The following CD81 variants were observed in gnomAD, a reference collection of about 807,000 sequenced individuals.
The protein encoded by CD81 is CD81 antigen.
CD81 carries 10 observed loss-of-function variants against 30.1 expected under a neutral mutation model. The ratio of observed to expected loss-of-function variants is 0.33; its 90% CI spans 0.21 to 0.56. The LOEUF (loss-of-function observed/expected upper bound fraction) is 0.56, where lower values mean the gene tolerates loss of function less well. Among genes scored for constraint, CD81 ranks in the 20% least tolerant of loss-of-function variants. CD81 has a pLI of 0.89. For synonymous variants in CD81, 147 were observed against 126.4 expected (o/e 1.16, Z -1.10); for missense variants, 263 against 308.7 (o/e 0.85, Z 1.11).
rs189296709 is a variant in CD81, at chr11:2,390,046, A to C, written c.67-366A>C. The C allele has an allele frequency of 2.1e-5, 8 of 380,772 alleles. No homozygotes were observed. In the East Asian group the frequency reaches 5.1e-4, roughly 24 times the overall value. The allele number at this position is 380,772 out of a possible 1,614,324, so 23.6% of individuals were successfully genotyped here. On this transcript the variant is annotated intron_variant, in intron 1 of 7. Coordinates refer to ENST00000263645, the MANE Select transcript of CD81 (RefSeq NM_004356.4). ...TCACCTTGAACTTCAGATAAACACC[A>C]GATTATTTTTTTGTATGTCCCGTGC...
chr11:2,386,943 A>G lies in CD81; in HGVS notation c.67-3469A>G, dbSNP rs377480677. On this transcript the variant is annotated intron_variant, in intron 1 of 7. Transcript: ENST00000263645. Reference sequence around the variant, plus strand: ...GGGCTTGTCTAGGGGCAGCCTCCCCATACGGCCCTGGAGTCTGAACAGAAG... The same window carrying G: ...GGGCTTGTCTAGGGGCAGCCTCCCCGTACGGCCCTGGAGTCTGAACAGAAG... Among the ~76,000 whole-genome samples the G allele has an allele frequency of 4.2e-3, 638 of 152,314 alleles. 3 individuals carry two copies. The highest frequency in any genetic ancestry group is 0.013 in the South Asian group (63 of 4,828).
chr11:2,376,649 C>T (rs1849597347), upstream of CD81, among the ~76,000 whole-genome samples: 1 of 152,184 alleles, frequency 6.6e-6, no homozygotes, highest in Non-Finnish European at 1.5e-5. Context: ...TCTCTGGCCT[C>T]CTGGACACTT....
chr11:2,395,515 G>A lies in CD81; in HGVS notation c.454G>A (p.Glu152Lys), dbSNP rs538164293. The A allele has an allele frequency of 1.4e-5, 22 of 1,612,166 alleles. No individual in the cohort carries two copies. The highest frequency in any genetic ancestry group is 2.2e-5 in the East Asian group (1 of 44,880). Reference sequence around the variant, plus strand: ...CAAGGCTGTGGTGAAGACCTTCCACGAGACGGTGCGGCCCCGGGGGGCGAG... The same window carrying A: ...CAAGGCTGTGGTGAAGACCTTCCACAAGACGGTGCGGCCCCGGGGGGCGAG... The part of the protein sequence containing the change: ...NAKAVVKTFH[E>K]TLDCCGSSTL... Residue 152 changes from glutamate (E) to lysine (K), a missense_variant, in exon 5 of 8, where the codon GAG becomes AAG. Around this residue, in one of 3 missense-constraint regions of CD81, gnomAD observed 176 missense variants for 192.9 expected, o/e 0.91. Coordinates refer to ENST00000263645, the MANE Select transcript of CD81 (RefSeq NM_004356.4).
intron 1 of CD81, 38 bp from the exon 2 acceptor site, chr11:2,390,374 C>G (rs1388313694): frequency 1.3e-6 from 2 of 1,521,326 alleles, no homozygotes; most frequent in Non-Finnish European, 1.8e-6. Context: ...TGCTGCAGTG[C>G]TCTTCGTACA....
Position 2,377,662 on chromosome 11 carries a change from T to C in CD81, c.66+47T>C. 1 of 1,312,524 alleles carries C rather than the reference T, an allele frequency of 7.6e-7. No individual in the cohort carries two copies. The highest frequency in any genetic ancestry group is 3.0e-5 in the East Asian group (1 of 33,642). The allele number at this position is 1,312,524 out of a possible 1,614,324, so 81.3% of individuals were successfully genotyped here. A position where few individuals can be genotyped will look rare whatever the true frequency, so the allele number is the denominator to read the frequency against. On this transcript the variant is annotated intron_variant, in intron 1 of 7. Coordinates refer to ENST00000263645, the MANE Select transcript of CD81 (RefSeq NM_004356.4). The surrounding 1 kb of genome is among the most constrained non-coding windows in gnomAD (Gnocchi z 7.7). ...GGGGCGGGAGGGGGCAGGCACACAC[T>C]CCACGTTGGGCAGGTCCCGCGGCAG...
At chr11:2,389,436 G>C (rs561782332) in intron 1 of CD81, among the ~76,000 whole-genome samples, 2 of 152,242 alleles carry the variant, frequency 1.3e-5, no homozygotes, top group South Asian at 2.1e-4. Flanking sequence ...GTGTGCAGAG[G>C]GGGGCCTGGG....
At chr11:2,376,427 T>C (rs1026232679), upstream of CD81, 3 of 152,216 alleles carry the variant, frequency 2.0e-5, no homozygotes, top group African/African-American at 7.2e-5. Flanking sequence ...GAAACCTTCG[T>C]CAGTGTGTCA....
chr11:2,395,068 C>T, intron 4 of CD81, 22 bp downstream of exon 4: 1 of 1,600,918 alleles, frequency 6.2e-7, no homozygotes, highest in Non-Finnish European at 8.5e-7. Flanking sequence ...TGTGCAGGGA[C>T]AGGGTGGGGT....
At chr11:2,393,872 C>T (rs1399990592) in intron 2 of CD81, 2 of 688,982 alleles carry the variant, frequency 2.9e-6, no homozygotes, top group South Asian at 3.0e-5. Context: ...CCCCATGTGG[C>T]CTCCTTAGTC....
chr11:2,390,389 A>G (rs1326191145), intron 1 of CD81, 23 bp from the exon 2 acceptor site: 1 of 1,581,090 alleles, frequency 6.3e-7, no homozygotes. Context: ...CGTACATGTG[A>G]CACTGTTCCC....
Position 2,393,806 on chromosome 11 carries a change from G to A in CD81, c.182-289G>A, listed in dbSNP as rs1589852769. 8.0e-6 allele frequency: 5 copies of A among 626,982 alleles called. No homozygotes were observed. The East Asian group carries it at 1.4e-4, about 17-fold the overall frequency. 38.8% of individuals were successfully genotyped at this position (626,982 alleles called of 1,614,324 possible). A position where few individuals can be genotyped will look rare whatever the true frequency, so the allele number is the denominator to read the frequency against. On this transcript the variant is annotated intron_variant, in intron 2 of 7. Coordinates refer to ENST00000263645, the MANE Select transcript of CD81 (RefSeq NM_004356.4). Reference sequence around the variant, plus strand: ...GCAGGTGGCGGGCCCCACCGCAGGTGTCATCCCTGCGAAGCACCTGTCGCC... The same window carrying A: ...GCAGGTGGCGGGCCCCACCGCAGGTATCATCCCTGCGAAGCACCTGTCGCC...
chr11:2,377,635 C>A lies in CD81; in HGVS notation c.66+20C>A. 7.9e-6 allele frequency: 12 copies of A among 1,511,216 alleles called. No homozygotes were observed. Among genetic ancestry groups the A allele is most frequent in the Admixed American group, 1.9e-5 (1 of 53,324 alleles). 93.6% of individuals were successfully genotyped at this position (1,511,216 alleles called of 1,614,324 possible). A position where few individuals can be genotyped will look rare whatever the true frequency, so the allele number is the denominator to read the frequency against. ...TTCTGGGTAAGGGCTGCGCCGGGGG[C>A]CGGGGCGGGAGGGGGCAGGCACACA... On this transcript the variant is annotated intron_variant, in intron 1 of 7. Transcript: ENST00000263645. The surrounding 1 kb of genome is among the most constrained non-coding windows in gnomAD (Gnocchi z 7.7).
chr11:2,381,145 C>T (rs1849698271), intron 1 of CD81, among the ~76,000 whole-genome samples: 1 of 152,228 alleles, frequency 6.6e-6, no homozygotes, highest in Non-Finnish European at 1.5e-5. Flanking sequence ...TGTCTGGCTG[C>T]ACAGCTTTGG....
chr11:2,386,742 A>G, intron 1 of CD81: 1 of 674,796 alleles, frequency 1.5e-6, no homozygotes, highest in Non-Finnish European at 2.8e-6. Flanking sequence ...TGAGGTGGAC[A>G]GGCTGGCGTC....
At chr11:2,383,419 AG>A (rs1337127229) in intron 1 of CD81, among the ~76,000 whole-genome samples, 1 of 152,066 alleles carries the variant, frequency 6.6e-6, no homozygotes. Flanking sequence ...CCCAGGCTGG[AG>A]GGGCCGTTCA....
At chr11:2,386,829 G>A (rs888227758) in intron 1 of CD81, among the ~76,000 whole-genome samples, 11 of 152,146 alleles carry the variant, frequency 7.2e-5, no homozygotes, top group Non-Finnish European at 1.0e-4. Flanking sequence ...ATGGGCCCTC[G>A]GGTCCTTCCT....
At chr11:2,395,362 G>T in intron 4 of CD81, 54 bp from the exon 5 acceptor site, 6 of 1,426,334 alleles carry the variant, frequency 4.2e-6, no homozygotes, top group African/African-American at 1.4e-5. Context: ...GGGGCGGGGT[G>T]GGGGCAAGGA....
At chr11:2,394,828 A>G (rs980734955) in intron 3 of CD81, 144 bp from the exon 4 acceptor site, 2 of 771,994 alleles carry the variant, frequency 2.6e-6, no homozygotes, top group African/African-American at 1.7e-5. Context: ...GGCTCCACAC[A>G]AGCCGCTCAC....
chr11:2,388,031 C>T (rs536111840), intron 1 of CD81, among the ~76,000 whole-genome samples: 46 of 152,238 alleles, frequency 3.0e-4, no homozygotes, highest in African/African-American at 9.9e-4. Context: ...TGGCTGCTGG[C>T]ACCAGCAGCC....
Sources: gnomAD v4.1 joint callset for allele counts (sites outside exome capture counted in the v4.1 genomes callset) on GRCh38, gnomAD v4.1.1 for gene constraint, gnomAD v4.1.1 regional missense constraint, Gnocchi (gnomAD v3.1) non-coding constraint, MANE v1.5 for transcripts, NCBI Gene and HGNC (gene_info 2026-07-23, HGNC 2026-07-21) for gene names.